Variants in ABCA4 observed in about 807,000 individuals in gnomAD.
ABCA4 encodes ATP binding cassette subfamily A member 4, also known as retinal-specific phospholipid-transporting ATPase ABCA4.
ABCA4 carries 196 observed loss-of-function variants against 263.7 expected under a neutral mutation model. The observed-to-expected ratio is 0.74, with a 90% CI of 0.66 to 0.84. The LOEUF (loss-of-function observed/expected upper bound fraction) is 0.84. Among genes scored for constraint, ABCA4 ranks in the 40% least tolerant of loss-of-function variants. The pLI is 0.00. For synonymous variants in ABCA4, 1,133 were observed against 1,094.2 expected, an observed-to-expected ratio of 1.04 and a Z score of -0.70; for missense variants, 2,792 against 2,855.1, an observed-to-expected ratio of 0.98 and a Z score of 0.50.
intron 43 of ABCA4, among the ~76,000 whole-genome samples, chr1:94,006,220 A>C (rs958127041): frequency 6.6e-6 from 1 of 152,198 alleles, no homozygotes; most frequent in African/African-American, 2.4e-5. Flanking sequence ...TAAAGGATGG[A>C]TGATATAGGA....
At chr1:94,110,804 A>G (rs3789435) in intron 3 of ABCA4, among the ~76,000 whole-genome samples, 74,792 of 151,922 alleles carry the variant, frequency 0.49, 18,697 homozygotes, top group East Asian at 0.66. Context: ...TTTTTCTTGG[A>G]AGAGGGGTCA....
chr1:94,032,171 G>T, intron 26 of ABCA4, 128 bp from the exon 27 acceptor site: 1 of 1,133,148 alleles, frequency 8.8e-7, no homozygotes, highest in Non-Finnish European at 1.3e-6. Flanking sequence ...ATACCAGGCT[G>T]GTAGCTTAAT....
intron 6 of ABCA4, among the ~76,000 whole-genome samples, chr1:94,090,327 A>G (rs1661937150): frequency 1.3e-5 from 2 of 152,078 alleles, no homozygotes; most frequent in South Asian, 2.1e-4. Flanking sequence ...TTATAATTCT[A>G]AAGTTTTTTC....
chr1:94,051,055 C>A (rs1031132965), intron 17 of ABCA4, among the ~76,000 whole-genome samples: 12 of 152,192 alleles, frequency 7.9e-5, no homozygotes, highest in East Asian at 3.9e-4. Context: ...AGTAAAGGTG[C>A]CTTTTACCTA....
At chr1:94,036,973 A>G (rs1660355883) in intron 25 of ABCA4, among the ~76,000 whole-genome samples, 172 bp downstream of exon 25, 1 of 152,198 alleles carries the variant, frequency 6.6e-6, no homozygotes, top group Non-Finnish European at 1.5e-5. Flanking sequence ...AGTACATAAA[A>G]TTTGTATGCA....
In ABCA4 at chr1:94,080,601, A is replaced by T; in HGVS notation, c.976T>A (p.Tyr326Asn). The T allele has an allele frequency of 6.2e-7, 1 of 1,614,192 alleles. No homozygotes were observed. Among genetic ancestry groups the T allele is most frequent in the African/African-American group, 1.3e-5 (1 of 75,050 alleles). Reference sequence around the variant, plus strand: ...ACCCGAGAGCCACCTCCCTCGGGGTAGCCACACAGGAGGTCAGACAGGATG... The same window carrying T: ...ACCCGAGAGCCACCTCCCTCGGGGTTGCCACACAGGAGGTCAGACAGGATG... The part of the protein sequence containing the change: ...MGILSDLLCG[Y>N]PEGGGSRVLS... Residue 326 changes from tyrosine to asparagine, a missense_variant, in exon 8 of 50, where the codon TAC (tyrosine) becomes AAC (asparagine). Physicochemically the swap from Tyr to Asn is moderately radical, Grantham distance 143. Transcript: ENST00000370225.
intron 26 of ABCA4, among the ~76,000 whole-genome samples, chr1:94,033,340 C>A (rs890067758): frequency 6.7e-6 from 1 of 150,354 alleles, no homozygotes; most frequent in African/African-American, 2.4e-5. Flanking sequence ...GGGAGGACCC[C>A]TTGGGCCCAG....
intron 39 of ABCA4, 66 bp downstream of exon 39, chr1:94,011,196 C>G (rs1303089031): frequency 6.2e-7 from 1 of 1,612,178 alleles, no homozygotes; most frequent in East Asian, 2.2e-5. Flanking sequence ...ATGCAGGAGC[C>G]CCCCCGGTAA....
chr1:93,993,282 T>G (rs1188336687), intron 49 of ABCA4, 40 bp from the exon 50 acceptor site: 1 of 1,613,560 alleles, frequency 6.2e-7, no homozygotes, highest in Non-Finnish European at 8.5e-7. Flanking sequence ...CATCTTGGTT[T>G]TCTGAGATGC....
rs773768563 is a variant in ABCA4, at chr1:94,060,648, C to T, written c.2049G>A (p.Lys683=). 10 of 1,614,020 alleles carry T rather than the reference C, an allele frequency of 6.2e-6. No homozygotes were observed. The highest frequency in any genetic ancestry group is 4.4e-5 in the South Asian group (4 of 91,086). The change falls in exon 14 of 50, where the codon AAG becomes AAA. Residue 683 remains lysine (K), a synonymous_variant. Transcript: ENST00000370225. ...SIVLEKELRL[K]ETLKNQGVSN... ...AGACACCCTGATTTTTCAAGGTCTCCTTCAGTCGCAACTCCTTCTCCAAGA... is the reference window on the plus strand; with the variant it reads ...AGACACCCTGATTTTTCAAGGTCTCTTTCAGTCGCAACTCCTTCTCCAAGA...
chr1:94,011,668 C>T (rs751829628), intron 38 of ABCA4, among the ~76,000 whole-genome samples: 52 of 152,172 alleles, frequency 3.4e-4, no homozygotes, highest in Non-Finnish European at 6.2e-4. Context: ...TTCTAGTGGG[C>T]GGGAGCTTCC....
chr1:94,074,688 G>A (rs1661491526), intron 11 of ABCA4, among the ~76,000 whole-genome samples: 1 of 152,190 alleles, frequency 6.6e-6, no homozygotes, highest in Non-Finnish European at 1.5e-5. Context: ...AATAGATGCT[G>A]GTGAGGCTGT....
chr1:94,055,252 C>T lies in ABCA4; in HGVS notation c.2446G>A (p.Gly816Ser). The T allele has an allele frequency of 3.7e-6, 6 of 1,614,192 alleles. No homozygotes were observed. The highest frequency in any genetic ancestry group is 5.1e-6 in the Non-Finnish European group (6 of 1,180,018). ...ATGTTGCTCCACTGCAGCCCCAGGC[C>T]TTGCTCTTCAAAGCGAACCAGGTAC... ...TEYLVRFEEQ[G>S]LGLQWSNIGN... is the part of the protein sequence containing the mutation. The change falls in exon 16 of 50, where the codon GGC becomes AGC. Residue 816 changes from glycine to serine, a missense_variant. Gly to Ser is a moderately conservative substitution (Grantham distance 56, BLOSUM62 0). Transcript: ENST00000370225.
rs2297632 is a variant in ABCA4, at chr1:94,051,610, G to C, written c.2653+23C>G. ...CCAAGGAGTTGATTTCAAACATTAAGATTTGTGTTTTAAAGGACTCACCTT... is the reference window on the plus strand; with the variant it reads ...CCAAGGAGTTGATTTCAAACATTAACATTTGTGTTTTAAAGGACTCACCTT... On this transcript the variant is annotated intron_variant, in intron 17 of 49. Coordinates refer to ENST00000370225, the MANE Select transcript of ABCA4 (RefSeq NM_000350.3). 1.7e-3 allele frequency: 2,767 copies of C among 1,596,480 alleles called. 54 individuals carry two copies. The East Asian group carries it at 0.042, about 25-fold the overall frequency.
chr1:94,010,999 G>T (rs537831), intron 39 of ABCA4, 70 bp from the exon 40 acceptor site: 1 of 1,612,320 alleles, frequency 6.2e-7, no homozygotes, highest in African/African-American at 1.3e-5. Flanking sequence ...CCACAGCACA[G>T]GGCCCACTAG....
In ABCA4 at chr1:93,996,215, G is replaced by T; in HGVS notation, c.6730-20C>A. On this transcript the variant is annotated intron_variant, in intron 48 of 49. Coordinates refer to ENST00000370225, the MANE Select transcript of ABCA4 (RefSeq NM_000350.3). ...AAACACCTAGAGGTAAGAGAAGAGC[G>T]AGATTAGGTAGATATTTCCAGGAAA... The T allele has an allele frequency of 6.3e-7, 1 of 1,578,718 alleles. No individual in the cohort carries two copies.
At position 94,083,356 on chromosome 1, in the gene ABCA4, T is replaced by G. The variant is rs779751177; in HGVS notation, c.854A>C (p.Gln285Pro). ...GILSDMSPRI[Q>P]EFIHRPSMQD... Reference sequence around the variant, plus strand: ...TACTACCATCAGGCTACTCACCTCTTGAATTCTTGGTGACATATCAGATAA... The same window carrying G: ...TACTACCATCAGGCTACTCACCTCTGGAATTCTTGGTGACATATCAGATAA... The change falls in exon 7 of 50, where the codon CAA (glutamine) becomes CCA (proline). Residue 285 changes from glutamine (Q) to proline (P), a missense_variant. Gln to Pro is a moderately conservative substitution (Grantham distance 76). Coordinates refer to ENST00000370225, the MANE Select transcript of ABCA4 (RefSeq NM_000350.3). The G allele has an allele frequency of 1.9e-6, 3 of 1,607,132 alleles. No homozygotes were observed. In the South Asian group the frequency reaches 3.3e-5, roughly 18 times the overall value.
chr1:94,083,280 T>G (rs1661747701), intron 7 of ABCA4, 72 bp downstream of exon 7: 4 of 1,274,518 alleles, frequency 3.1e-6, no homozygotes, highest in Middle Eastern at 1.8e-4. Flanking sequence ...TACAATTAAA[T>G]TATTTGACAT....
In ABCA4 at chr1:94,041,202, C is replaced by T. The variant is rs764080953; in HGVS notation, c.3522+7G>A. The T allele has an allele frequency of 8.1e-6, 13 of 1,614,102 alleles. No homozygotes were observed. The highest frequency in any genetic ancestry group is 5.0e-5 in the Admixed American group (3 of 60,028). Reference sequence around the variant, plus strand: ...AGGCCAGGGTCCTTCCCTGGGCAGACACCTACCTCACTGCCTTTCCTTTGG... The same window carrying T: ...AGGCCAGGGTCCTTCCCTGGGCAGATACCTACCTCACTGCCTTTCCTTTGG... On this transcript the variant is annotated splice_region_variant and intron_variant, in intron 23 of 49. Transcript: ENST00000370225.
Sources: gnomAD v4.1 joint callset for allele counts (sites outside exome capture counted in the v4.1 genomes callset) on GRCh38, gnomAD v4.1.1 for gene constraint, MANE v1.5 for transcripts, NCBI Gene and HGNC (gene_info 2026-07-23, HGNC 2026-07-21) for gene names.